Variants in TMEM123 observed in about 807,000 individuals in gnomAD.
The protein encoded by TMEM123 is transmembrane protein 123.
A neutral mutation model predicts 19.7 loss-of-function variants in TMEM123; 16 were observed. That is an observed-to-expected ratio of 0.81 (90% CI 0.55 to 1.23). The LOEUF (loss-of-function observed/expected upper bound fraction) is 1.23, where lower values mean the gene tolerates loss of function less well. Among genes scored for constraint, TMEM123 ranks in the 50% most tolerant of loss-of-function variants. TMEM123 has a pLI of 0.00. For synonymous variants in TMEM123, 118 were observed against 99.4 expected, an observed-to-expected ratio of 1.19 and a Z score of -1.12; for missense variants, 313 against 257.8, an observed-to-expected ratio of 1.21 and a Z score of -1.47.
At chr11:102,450,583 G>A (rs1234293584) in intron 1 of TMEM123, among the ~76,000 whole-genome samples, 2 of 152,172 alleles carry the variant, frequency 1.3e-5, no homozygotes, top group East Asian at 1.9e-4. Context: ...AATATTCTAG[G>A]CAATGGTAAT....
At chr11:102,441,093 T>C (rs1339131957) in intron 2 of TMEM123, among the ~76,000 whole-genome samples, 2 of 152,134 alleles carry the variant, frequency 1.3e-5, no homozygotes, top group Non-Finnish European at 2.9e-5. Flanking sequence ...ACAATAATAA[T>C]GGGAGACTTT....
intron 2 of TMEM123, among the ~76,000 whole-genome samples, chr11:102,444,874 G>A (rs925179400): frequency 3.3e-5 from 5 of 151,654 alleles, no homozygotes; most frequent in African/African-American, 7.3e-5. Context: ...TTGTAGGGAC[G>A]TGGATGAAGC....
intron 2 of TMEM123, among the ~76,000 whole-genome samples, chr11:102,422,345 A>T (rs1478512057): frequency 6.6e-6 from 1 of 152,142 alleles, no homozygotes; most frequent in Non-Finnish European, 1.5e-5. Flanking sequence ...GTGGTGGCAC[A>T]CGCCTGTAAT....
chr11:102,443,294 C>T (rs1371470541), intron 2 of TMEM123, among the ~76,000 whole-genome samples: 1 of 152,196 alleles, frequency 6.6e-6, no homozygotes. Context: ...TGATTTCAAA[C>T]TACACTACAA....
intron 2 of TMEM123, among the ~76,000 whole-genome samples, chr11:102,422,364 C>T (rs1269266381): frequency 6.6e-6 from 1 of 152,066 alleles, no homozygotes; most frequent in East Asian, 1.9e-4. Context: ...ATCCCAGTTA[C>T]TCGGGAGGCT....
At chr11:102,434,281 AT>A (rs1428359192) in intron 2 of TMEM123, among the ~76,000 whole-genome samples, 1 of 151,896 alleles carries the variant, frequency 6.6e-6, no homozygotes, top group African/African-American at 2.4e-5. Flanking sequence ...GAGAATAGCC[AT>A]TCTCATAGGT....
At position 102,402,196 on chromosome 11, in the gene TMEM123, T is replaced by C. The variant is rs752268546; in HGVS notation, c.168A>G (p.Gln56=). 6.2e-7 allele frequency: 1 copy of C among 1,613,594 alleles called. No individual in the cohort carries two copies. The highest frequency in any genetic ancestry group is 8.5e-7 in the Non-Finnish European group (1 of 1,179,620). ...NSSANSTETL[Q]HVPSDHTNET... Reference sequence around the variant, plus strand: ...CATTTGTATGGTCAGAAGGCACATGTTGGAGAGTCTCTGCAATAATATCAA... The same window carrying C: ...CATTTGTATGGTCAGAAGGCACATGCTGGAGAGTCTCTGCAATAATATCAA... Residue 56 remains glutamine, a synonymous_variant, in exon 3 of 5, where the codon CAA becomes CAG. Coordinates refer to ENST00000398136, the MANE Select transcript of TMEM123 (RefSeq NM_052932.3).
intron 2 of TMEM123, among the ~76,000 whole-genome samples, chr11:102,413,124 G>C (rs777429050): frequency 6.6e-6 from 1 of 152,160 alleles, no homozygotes; most frequent in African/African-American, 2.4e-5. Flanking sequence ...CTTTTGATGT[G>C]AGAGTAAGCT....
chr11:102,401,986 A>C lies in TMEM123; in HGVS notation c.378T>G (p.Ser126=). Reference sequence around the variant, plus strand: ...CGGTCATTGTGGATGTTGATATCTGAGATGTGTTCTGTGAAACACTTGTTG... The same window carrying C: ...CGGTCATTGTGGATGTTGATATCTGCGATGTGTTCTGTGAAACACTTGTTG... ...PKTTSVSQNT[S]QISTSTMTVT... The change falls in exon 3 of 5, where the codon TCT becomes TCG. Residue 126 remains serine (S), a synonymous_variant. Coordinates refer to ENST00000398136, the MANE Select transcript of TMEM123 (RefSeq NM_052932.3). 1 of 1,614,160 alleles carries C rather than the reference A, an allele frequency of 6.2e-7. No homozygotes were observed. Among genetic ancestry groups the C allele is most frequent in the Non-Finnish European group, 8.5e-7 (1 of 1,180,036 alleles).
intron 2 of TMEM123, among the ~76,000 whole-genome samples, chr11:102,421,781 T>A (rs1256795571): frequency 6.6e-6 from 1 of 152,274 alleles, no homozygotes; most frequent in Non-Finnish European, 1.5e-5. Flanking sequence ...AAGCAAATAT[T>A]GAACATATGC....
intron 2 of TMEM123, chr11:102,448,399 G>A: frequency 2.4e-6 from 1 of 415,964 alleles, no homozygotes; most frequent in South Asian, 1.7e-5. Context: ...TGTAAGTAGG[G>A]TCTCCTTAGA....
rs1760062452 is a variant in TMEM123 at position 102,396,780 on chromosome 11, TAACTA to T, written c.*2082_*2086del. On this transcript the variant is annotated 3_prime_UTR_variant, in exon 5 of 5. Transcript: ENST00000398136. ...CTACTTACATACAGAGAAAAAGACA[TAACTA>T]AACTACTTCAAACCCAATGCAGAGG... 2 of 152,142 alleles carry T rather than the reference TAACTA, an allele frequency of 1.3e-5. No individual in the cohort carries two copies. The highest frequency in any genetic ancestry group is 2.4e-5 in the African/African-American group (1 of 41,428). The allele number at this position is 152,142 out of a possible 1,614,324, so 9.4% of individuals were successfully genotyped here.
chr11:102,451,334 T>C (rs543271212), intron 1 of TMEM123: 3 of 151,950 alleles, frequency 2.0e-5, no homozygotes, highest in African/African-American at 7.2e-5. Context: ...ACGATGGACA[T>C]GATTTTACCA....
chr11:102,427,647 G>C (rs986574279), intron 2 of TMEM123, among the ~76,000 whole-genome samples: 32 of 151,540 alleles, frequency 2.1e-4, no homozygotes, highest in African/African-American at 6.3e-4. Flanking sequence ...GACCAGCCTG[G>C]CCAATACGGT....
chr11:102,399,105 G>T (rs939026724), intron 4 of TMEM123, among the ~76,000 whole-genome samples: 1 of 152,186 alleles, frequency 6.6e-6, no homozygotes, highest in Non-Finnish European at 1.5e-5. Context: ...TTGTCTTGCT[G>T]CAATCATAGA....
chr11:102,432,615 C>T (rs892107546), intron 2 of TMEM123, among the ~76,000 whole-genome samples: 2 of 152,206 alleles, frequency 1.3e-5, no homozygotes, highest in African/African-American at 2.4e-5. Context: ...AAATTCAAGC[C>T]GGCTGCAGGA....
In TMEM123 at chr11:102,401,664, C is replaced by T. The variant is rs1208827283; in HGVS notation, c.477G>A (p.Lys159=). Reference sequence around the variant, plus strand: ...TCCCAGTATCAAATTTTGATCCTTTCTTTGCTTCAGAATGCATAGTTGTTG... The same window carrying T: ...TCCCAGTATCAAATTTTGATCCTTTTTTTGCTTCAGAATGCATAGTTGTTG... ...TITTTMHSEA[K]KGSKFDTGSF... is the part of the protein sequence containing the mutation. Residue 159 remains lysine (K), a synonymous_variant, in exon 4 of 5, where the codon AAG becomes AAA. Transcript: ENST00000398136. 6.2e-7 allele frequency: 1 copy of T among 1,604,920 alleles called. No homozygotes were observed. The highest frequency in any genetic ancestry group is 1.1e-5 in the South Asian group (1 of 88,714).
At chr11:102,419,689 T>A (rs1365877875) in intron 2 of TMEM123, among the ~76,000 whole-genome samples, 1 of 152,228 alleles carries the variant, frequency 6.6e-6, no homozygotes, top group Non-Finnish European at 1.5e-5. Flanking sequence ...GATGGCTGAA[T>A]AAGGAACAGA....
At chr11:102,436,067 G>T (rs913179062) in intron 2 of TMEM123, among the ~76,000 whole-genome samples, 2 of 149,460 alleles carry the variant, frequency 1.3e-5, no homozygotes, top group African/African-American at 5.0e-5. Context: ...CTCAGTGAAG[G>T]TATTTAAAAA....
Sources: allele counts gnomAD v4.1 joint callset (sites outside exome capture counted in the v4.1 genomes callset), GRCh38; gene constraint gnomAD v4.1.1; transcripts MANE v1.5; gene names NCBI Gene and HGNC (gene_info 2026-07-23, HGNC 2026-07-21).